Variants in PIP5K1B observed in about 807,000 individuals in gnomAD.
The protein encoded by PIP5K1B is phosphatidylinositol 4-phosphate 5-kinase type-1 beta.
PIP5K1B carries 42 observed loss-of-function variants against 67.0 expected under a neutral mutation model. That is an observed-to-expected ratio of 0.63 (90% confidence interval 0.49 to 0.81). The LOEUF is 0.81. PIP5K1B is among the 30% of genes least tolerant of loss of function. PIP5K1B has a pLI of 0.00. For missense variants in PIP5K1B, 459 were observed against 646.3 expected, an observed-to-expected ratio of 0.71 and a Z score of 3.14; for synonymous variants, 214 against 231.4, an observed-to-expected ratio of 0.92 and a Z score of 0.68.
intron 14 of PIP5K1B, among the ~76,000 whole-genome samples, chr9:68,959,700 A>G (rs1055131870): frequency 1.3e-5 from 2 of 152,112 alleles, no homozygotes; most frequent in Admixed American, 6.5e-5. Flanking sequence ...CATATTCGCA[A>G]CTGTGCCCTG....
chr9:68,920,276 C>T (rs892268161), intron 11 of PIP5K1B, among the ~76,000 whole-genome samples: 25 of 147,140 alleles, frequency 1.7e-4, no homozygotes, highest in Non-Finnish European at 6.0e-5. Flanking sequence ...CAATGCCTAA[C>T]AAATACACAG....
chr9:68,951,884 T>G (rs1308313063), intron 14 of PIP5K1B, among the ~76,000 whole-genome samples: 4 of 152,170 alleles, frequency 2.6e-5, no homozygotes, highest in Non-Finnish European at 5.9e-5. Flanking sequence ...ATTACTTTGG[T>G]TTTTCTAAAT....
intron 6 of PIP5K1B, among the ~76,000 whole-genome samples, chr9:68,884,937 A>T (rs1287852465): frequency 6.6e-6 from 1 of 152,212 alleles, no homozygotes; most frequent in Non-Finnish European, 1.5e-5. Flanking sequence ...CTACCATATG[A>T]TCCAACAACC....
At chr9:68,861,877 G>A (rs1191602797) in intron 4 of PIP5K1B, among the ~76,000 whole-genome samples, 1 of 150,406 alleles carries the variant, frequency 6.6e-6, no homozygotes, top group Non-Finnish European at 1.5e-5. Context: ...AAATAGCAGG[G>A]GGTTTTTTTG....
At chr9:68,730,839 G>T (rs1743095186) in intron 1 of PIP5K1B, among the ~76,000 whole-genome samples, 1 of 152,174 alleles carries the variant, frequency 6.6e-6, no homozygotes, top group Admixed American at 6.5e-5. Flanking sequence ...GACTAGGTTG[G>T]AAACAAGAAA....
rs541982455 is a variant in PIP5K1B, at chr9:68,945,043, AGTTCTGGTCCTGT to A, written c.1502+4257_1502+4269del. ...GTTGGTTGGTTTTTTTCCTAACATG[AGTTCTGGTCCTGT>A]GTTTGAGACCTTTTTTTTTTTTTTG... is the stretch of plus-strand genomic sequence containing the variant. On this transcript the variant is annotated intron_variant, in intron 14 of 15. Transcript: ENST00000265382. Among the ~76,000 whole-genome samples, 705 of 149,192 alleles carry A rather than the reference AGTTCTGGTCCTGT, an allele frequency of 4.7e-3. 2 individuals are homozygous for A. Among genetic ancestry groups the A allele is most frequent in the Middle Eastern group, 0.018 (5 of 282 alleles).
intron 2 of PIP5K1B, among the ~76,000 whole-genome samples, chr9:68,811,171 A>G (rs965138458): frequency 1.3e-5 from 2 of 152,190 alleles, no homozygotes; most frequent in African/African-American, 4.8e-5. Context: ...AAACGTGTGT[A>G]CCAGTTCCTA....
intron 14 of PIP5K1B, among the ~76,000 whole-genome samples, chr9:68,964,386 C>T (rs972250873): frequency 6.6e-6 from 1 of 152,162 alleles, no homozygotes; most frequent in African/African-American, 2.4e-5. Flanking sequence ...AGTAAACATC[C>T]GATCTTAGCT....
At chr9:68,815,277 A>AG (rs1464471404) in intron 2 of PIP5K1B, among the ~76,000 whole-genome samples, 1 of 151,678 alleles carries the variant, frequency 6.6e-6, no homozygotes, top group Non-Finnish European at 1.5e-5. Flanking sequence ...TAAAAAAAAA[A>AG]AGAGTGAAAA....
intron 14 of PIP5K1B, among the ~76,000 whole-genome samples, chr9:68,952,425 A>G (rs144243319): frequency 1.3e-3 from 202 of 152,308 alleles, no homozygotes; most frequent in Middle Eastern, 6.8e-3. Context: ...TGGGGATTCT[A>G]GTAACCTCTT....
At chr9:68,805,476 G>A (rs985509077) in intron 2 of PIP5K1B, among the ~76,000 whole-genome samples, 1 of 152,212 alleles carries the variant, frequency 6.6e-6, no homozygotes, top group Non-Finnish European at 1.5e-5. Flanking sequence ...TTGGAGTGCT[G>A]TAAATCTTGG....
chr9:68,916,018 G>T lies in PIP5K1B; in HGVS notation c.772-1530G>T, dbSNP rs117213140. ...ATATCATAAATATCAAAAGGCAGTT[G>T]GGCTGAACAAGAACAAGAAGCACAA... On this transcript the variant is annotated intron_variant, in intron 8 of 15. Coordinates refer to ENST00000265382, the MANE Select transcript of PIP5K1B (RefSeq NM_003558.4). Among the ~76,000 whole-genome samples the T allele has an allele frequency of 7.0e-3, 1,069 of 152,252 alleles. 8 individuals carry two copies. The highest frequency in any genetic ancestry group is 0.03 in the South Asian group (147 of 4,826).
intron 2 of PIP5K1B, among the ~76,000 whole-genome samples, chr9:68,775,989 G>A (rs1209316677): frequency 1.3e-5 from 2 of 152,056 alleles, no homozygotes; most frequent in East Asian, 1.9e-4. Flanking sequence ...ATTTCTCTTG[G>A]TTATATTGTC....
intron 14 of PIP5K1B, chr9:68,966,829 T>A (rs1829059467): frequency 6.6e-6 from 1 of 152,208 alleles, no homozygotes; most frequent in Non-Finnish European, 1.5e-5. Context: ...TTTGTTATAA[T>A]GTAAATGTTG....
intron 7 of PIP5K1B, among the ~76,000 whole-genome samples, chr9:68,890,222 T>G (rs911061757): frequency 4.6e-5 from 7 of 152,228 alleles, no homozygotes; most frequent in Admixed American, 3.9e-4. Context: ...TCACCTTTCA[T>G]GTAATATTTT....
At chr9:68,943,436 CT>C (rs1827656647) in intron 14 of PIP5K1B, among the ~76,000 whole-genome samples, 1 of 152,188 alleles carries the variant, frequency 6.6e-6, no homozygotes, top group African/African-American at 2.4e-5. Context: ...GTCAATATCC[CT>C]ATTTCCCTGA....
chr9:68,970,306 AT>A (rs567819967), intron 14 of PIP5K1B, among the ~76,000 whole-genome samples: 40 of 152,350 alleles, frequency 2.6e-4, no homozygotes, highest in Non-Finnish European at 4.9e-4. Flanking sequence ...GCTAGGGTTA[AT>A]TACATGTTGT....
intron 4 of PIP5K1B, among the ~76,000 whole-genome samples, chr9:68,856,193 C>T (rs931138734): frequency 9.0e-4 from 137 of 152,288 alleles, no homozygotes; most frequent in Non-Finnish European, 2.4e-4. Context: ...CCAGTTCTGG[C>T]ACTTTCCCTG....
rs910438812 is a variant in PIP5K1B at position 68,903,038 on chromosome 9, A to G, written c.771+8400A>G. Among the ~76,000 whole-genome samples, 24 of 152,216 alleles carry G rather than the reference A, an allele frequency of 1.6e-4. 1 individual carries two copies. The highest frequency in any genetic ancestry group is 1.6e-3 in the Admixed American group (24 of 15,276). Reference sequence around the variant, plus strand: ...CAGGAGTTTAACGTGTGTGTTTCTAATAATAAGCACTCCTGTGAGACTTCA... The same window carrying G: ...CAGGAGTTTAACGTGTGTGTTTCTAGTAATAAGCACTCCTGTGAGACTTCA... On this transcript the variant is annotated intron_variant, in intron 8 of 15. Coordinates refer to ENST00000265382, the MANE Select transcript of PIP5K1B (RefSeq NM_003558.4).
Sources: gnomAD v4.1 joint callset for allele counts (sites outside exome capture counted in the v4.1 genomes callset) on GRCh38, gnomAD v4.1.1 for gene constraint, MANE v1.5 for transcripts, NCBI Gene and HGNC (gene_info 2026-07-23, HGNC 2026-07-21) for gene names.